The following ACYP2 variants were observed in gnomAD, a reference collection of about 807,000 sequenced individuals.
The protein encoded by ACYP2 is acylphosphatase-2.
In ACYP2, 12 loss-of-function variants were observed where a neutral mutation model predicts 11.2. The ratio of observed to expected loss-of-function variants is 1.08; its 90% CI spans 0.69 to 1.74. The LOEUF (loss-of-function observed/expected upper bound fraction) is 1.74, where lower values mean the gene tolerates loss of function less well. Among genes scored for constraint, ACYP2 ranks in the 40% most tolerant of loss-of-function variants. The pLI is 0.00. For synonymous variants in ACYP2, 43 were observed against 32.2 expected (o/e 1.33, Z -1.13); for missense variants, 134 against 101.9 (o/e 1.31, Z -1.35).
At chr2:54,063,521 C>T (rs932081807) in intron 4 of ACYP2, among the ~76,000 whole-genome samples, 5 of 152,220 alleles carry the variant, frequency 3.3e-5, no homozygotes, top group African/African-American at 1.2e-4. Context: ...GAGGCATCAG[C>T]AGGAGACTGG....
chr2:54,184,092 A>C (rs571418666), intron 6 of ACYP2, among the ~76,000 whole-genome samples: 20 of 152,210 alleles, frequency 1.3e-4, no homozygotes, highest in Non-Finnish European at 2.4e-4. Flanking sequence ...GGATTTGACA[A>C]GGTAATTTGT....
intron 6 of ACYP2, among the ~76,000 whole-genome samples, chr2:54,207,151 T>G (rs947167795): frequency 7.9e-5 from 10 of 126,084 alleles, no homozygotes; most frequent in Non-Finnish European, 1.2e-4. Flanking sequence ...AGTTATTATA[T>G]GTACATATAT....
At chr2:54,176,749 C>T (rs1462437210) in intron 6 of ACYP2, among the ~76,000 whole-genome samples, 1 of 152,066 alleles carries the variant, frequency 6.6e-6, no homozygotes, top group African/African-American at 2.4e-5. Flanking sequence ...TGGTTCTATC[C>T]AGGAATTGAC....
chr2:54,065,016 G>A (rs1208169466), intron 4 of ACYP2, among the ~76,000 whole-genome samples: 2 of 151,898 alleles, frequency 1.3e-5, no homozygotes, highest in Non-Finnish European at 2.9e-5. Context: ...CCCAGGAGGC[G>A]AAGTTTGCAC....
chr2:54,296,063 CCTGCCACCTTCTTAGAATTTGCATT>C (rs1286695462), intron 6 of ACYP2, among the ~76,000 whole-genome samples: 2 of 152,182 alleles, frequency 1.3e-5, no homozygotes, highest in Non-Finnish European at 2.9e-5. Flanking sequence ...CCAGCCTGAT[CCTGCCACCTTCTTAGAATTTGCATT>C]CTGTTGTGGA....
intron 6 of ACYP2, among the ~76,000 whole-genome samples, chr2:54,201,604 C>CTTTCTT (rs1367170735): frequency 3.6e-5 from 3 of 83,928 alleles, no homozygotes; most frequent in African/African-American, 8.5e-5. Context: ...CTCTTTCTTT[C>CTTTCTT]TTTCTTTCTT....
intron 6 of ACYP2, among the ~76,000 whole-genome samples, chr2:54,259,430 G>A (rs1687687838): frequency 6.6e-6 from 1 of 152,276 alleles, no homozygotes. Context: ...AAAGTATAAG[G>A]TCAAGAAAAA....
intron 4 of ACYP2, among the ~76,000 whole-genome samples, chr2:54,088,922 C>T (rs1436490019): frequency 6.6e-6 from 1 of 152,152 alleles, no homozygotes; most frequent in African/African-American, 2.4e-5. Flanking sequence ...TATTCTGAAG[C>T]CCTACAGCCC....
intron 4 of ACYP2, among the ~76,000 whole-genome samples, chr2:54,118,428 A>G (rs1276741115): frequency 2.0e-5 from 3 of 152,174 alleles, no homozygotes; most frequent in Admixed American, 2.0e-4. Context: ...TGTTTACTTA[A>G]TCATCACAAT....
In ACYP2 at chr2:54,195,794, G is replaced by GTTTTTTTTTTTTTTTTT. The variant is rs1168917459; in HGVS notation, c.404+57051_404+57067dup. The stretch of plus-strand genomic sequence containing the variant: ...GTACATTGTCATCGTTTTGTTGTGG[G>GTTTTTTTTTTTTTTTTT]TTTTTTTTTTTTTTTTTTTTTGAGA... On this transcript the variant is annotated intron_variant, in intron 6 of 6. Transcript: ENST00000607452. Among the ~76,000 whole-genome samples the GTTTTTTTTTTTTTTTTT allele has an allele frequency of 2.3e-4, 19 of 83,144 alleles. 1 individual carries two copies. Among genetic ancestry groups the GTTTTTTTTTTTTTTTTT allele is most frequent in the Admixed American group, 4.0e-4 (3 of 7,430 alleles). The allele number at this position is 83,144 out of a possible 152,430, so 54.5% of individuals were successfully genotyped here. A position where few individuals can be genotyped will look rare whatever the true frequency, so the allele number is the denominator to read the frequency against.
intron 4 of ACYP2, among the ~76,000 whole-genome samples, chr2:54,058,756 A>G (rs1676302080): frequency 7.3e-6 from 1 of 137,890 alleles, no homozygotes; most frequent in Non-Finnish European, 1.5e-5. Context: ...CTTACAGACT[A>G]TATATTGGAG....
chr2:54,246,139 G>C lies in ACYP2; in HGVS notation c.405-58549G>C, dbSNP rs181744119. On this transcript the variant is annotated intron_variant, in intron 6 of 6. Transcript: ENST00000607452. ...TTCTTTCCCCCAATTAACGTTCTTG[G>C]CATCTTTGTCAAAAATGGGTTGCCT... Among the ~76,000 whole-genome samples, 12 of 152,114 alleles carry C rather than the reference G, an allele frequency of 7.9e-5. No individual in the cohort carries two copies. In the East Asian group the frequency reaches 2.3e-3, roughly 29 times the overall value.
At chr2:54,036,083 A>G (rs971382584) in intron 2 of ACYP2, among the ~76,000 whole-genome samples, 1 of 152,006 alleles carries the variant, frequency 6.6e-6, no homozygotes, top group Non-Finnish European at 1.5e-5. Flanking sequence ...TTTAGCATAC[A>G]TATTTCTTTT....
intron 6 of ACYP2, among the ~76,000 whole-genome samples, chr2:54,194,518 A>C (rs1182180232): frequency 6.6e-6 from 1 of 152,142 alleles, no homozygotes; most frequent in African/African-American, 2.4e-5. Flanking sequence ...GAGTGCACTC[A>C]TTGATTATTT....
intron 6 of ACYP2, among the ~76,000 whole-genome samples, chr2:54,234,330 C>T (rs1417755277): frequency 2.0e-5 from 3 of 152,346 alleles, no homozygotes; most frequent in Non-Finnish European, 4.4e-5. Context: ...CTTTGCTCAT[C>T]ACTAATCCAC....
intron 6 of ACYP2, among the ~76,000 whole-genome samples, chr2:54,302,311 A>G (rs1689757747): frequency 6.6e-6 from 1 of 152,094 alleles, no homozygotes; most frequent in Non-Finnish European, 1.5e-5. Flanking sequence ...CACAATGGCC[A>G]GTTCTCATTT....
intron 6 of ACYP2, among the ~76,000 whole-genome samples, chr2:54,222,694 T>C (rs1307777687): frequency 2.6e-5 from 4 of 152,260 alleles, no homozygotes; most frequent in East Asian, 1.9e-4. Context: ...CAGACCCAAA[T>C]TGCTGTTTTT....
At chr2:54,282,937 TC>T (rs1188166201) in intron 6 of ACYP2, among the ~76,000 whole-genome samples, 1 of 152,174 alleles carries the variant, frequency 6.6e-6, no homozygotes, top group Non-Finnish European at 1.5e-5. Context: ...ACTTCCTGCT[TC>T]CTGTATATCC....
intron 6 of ACYP2, chr2:54,267,332 A>G (rs1468607020): frequency 6.5e-7 from 1 of 1,548,986 alleles, no homozygotes; most frequent in Non-Finnish European, 8.7e-7. Context: ...GAAGAAAAGA[A>G]ACAAGATAGG....
Sources: gnomAD v4.1 joint callset for allele counts (sites outside exome capture counted in the v4.1 genomes callset) on GRCh38, gnomAD v4.1.1 for gene constraint, MANE v1.5 for transcripts, NCBI Gene and HGNC (gene_info 2026-07-23, HGNC 2026-07-21) for gene names.